The following NEK5 variants were observed in gnomAD, a reference collection of about 807,000 sequenced individuals.
The protein encoded by NEK5 is serine/threonine-protein kinase Nek5.
NEK5 carries 88 observed loss-of-function variants against 109.2 expected under a neutral mutation model. That is an observed-to-expected ratio of 0.81 (90% confidence interval 0.68 to 0.96). NEK5 has a LOEUF of 0.96. Ranked by LOEUF, NEK5 falls within the 40% of genes least tolerant of loss-of-function variation. The probability of loss-of-function intolerance (pLI) is 0.00; values close to 1 mark genes in which losing one functional copy is unlikely to be tolerated. For missense variants in NEK5, 834 were observed against 920.7 expected, an observed-to-expected ratio of 0.91 and a Z score of 1.22; for synonymous variants, 283 against 299.9, an observed-to-expected ratio of 0.94 and a Z score of 0.58.
intron 4 of NEK5, among the ~76,000 whole-genome samples, chr13:52,112,573 A>G (rs149119244): frequency 6.6e-6 from 1 of 152,214 alleles, no homozygotes; most frequent in Non-Finnish European, 1.5e-5. Flanking sequence ...TCTTCTTTGG[A>G]TTGTTGGAAA....
At chr13:52,104,256 C>A (rs557183894) in intron 9 of NEK5, among the ~76,000 whole-genome samples, 1 of 152,308 alleles carries the variant, frequency 6.6e-6, no homozygotes, top group African/African-American at 2.4e-5. Flanking sequence ...AGCCACCACG[C>A]CAAGCCCACA....
At chr13:52,044,246 T>A (rs1009742406) in intron 23 of NEK5, among the ~76,000 whole-genome samples, 13 of 152,208 alleles carry the variant, frequency 8.5e-5, no homozygotes, top group African/African-American at 2.7e-4. Context: ...TGTGGGACCC[T>A]GTGATTGTGT....
intron 22 of NEK5, among the ~76,000 whole-genome samples, chr13:52,058,393 A>T (rs1954581463): frequency 3.4e-5 from 5 of 146,310 alleles, no homozygotes; most frequent in South Asian, 2.2e-4. Flanking sequence ...TAATTTACAG[A>T]TTCAATGCCA....
intron 23 of NEK5, among the ~76,000 whole-genome samples, chr13:52,039,212 CTG>C (rs1176454188): frequency 6.6e-6 from 1 of 152,140 alleles, no homozygotes; most frequent in East Asian, 1.9e-4. Context: ...CGTACTATCT[CTG>C]TGAAGGAGGA....
chr13:52,063,497 C>T (rs9526829), intron 21 of NEK5, among the ~76,000 whole-genome samples: 5,468 of 151,980 alleles, frequency 0.036, 107 homozygotes, highest in South Asian at 0.089. Context: ...GCCGCCACCC[C>T]GTCTGGGAAG....
At chr13:52,117,094 G>C (rs970865072) in intron 4 of NEK5, among the ~76,000 whole-genome samples, 15 of 152,060 alleles carry the variant, frequency 9.9e-5, no homozygotes, top group Admixed American at 9.2e-4. Context: ...AAACGTTTTT[G>C]TATTTTTAGT....
At chr13:52,095,047 A>C (rs1355973878) in intron 12 of NEK5, among the ~76,000 whole-genome samples, 1 of 152,082 alleles carries the variant, frequency 6.6e-6, no homozygotes, top group Non-Finnish European at 1.5e-5. Flanking sequence ...CTCCCAAGTA[A>C]CTGGGACTAC....
intron 9 of NEK5, among the ~76,000 whole-genome samples, chr13:52,104,174 G>A (rs1955602279): frequency 6.6e-6 from 1 of 151,824 alleles, no homozygotes; most frequent in Non-Finnish European, 1.5e-5. Context: ...TGTTGGCCAG[G>A]TTGGTCTCCA....
At position 52,127,580 on chromosome 13, in the gene NEK5, T is replaced by C. The variant is rs757019537; in HGVS notation, c.-23+15A>G. On this transcript the variant is annotated intron_variant, in intron 2 of 23. Coordinates refer to ENST00000684899, the MANE Select transcript of NEK5 (RefSeq NM_001365552.1). ...AAAGTCAGAAAACTGATGACTAAAG[T>C]GTAAAAGAACTCACTTAGCTAAAAC... 8.2e-6 allele frequency: 6 copies of C among 729,856 alleles called. No homozygotes were observed. The highest frequency in any genetic ancestry group is 1.4e-5 in the Non-Finnish European group (6 of 413,804). The allele number at this position is 729,856 out of a possible 1,614,324, so 45.2% of individuals were successfully genotyped here.
intron 21 of NEK5, among the ~76,000 whole-genome samples, chr13:52,063,342 C>T (rs528931737): frequency 1.1e-3 from 163 of 152,336 alleles, no homozygotes; most frequent in African/African-American, 3.7e-3. Context: ...CCCGAGGTGC[C>T]GGGTTTGCAG....
chr13:52,055,199 G>C (rs1954543455), intron 22 of NEK5, among the ~76,000 whole-genome samples: 1 of 152,220 alleles, frequency 6.6e-6, no homozygotes, highest in Non-Finnish European at 1.5e-5. Context: ...AAGGGTATCA[G>C]TGATGGAAGA....
Position 52,112,293 on chromosome 13 carries a change from C to T in NEK5, c.287G>A (p.Arg96Gln), listed in dbSNP as rs377168646. The T allele has an allele frequency of 4.0e-5, 65 of 1,609,100 alleles. No individual in the cohort carries two copies. The highest frequency in any genetic ancestry group is 5.1e-5 in the Non-Finnish European group (60 of 1,175,826). ...GDLMKRINRQ[R>Q]GVLFSEDQIL... ...CTGATCTTCACTAAATAACACACCC[C>T]GTTGTCTATTGATCCTTTTCATGAG... The change falls in exon 5 of 24, where the codon CGG (arginine) becomes CAG (glutamine). Residue 96 changes from arginine to glutamine, a missense_variant. Arg to Gln is a conservative substitution (Grantham distance 43, BLOSUM62 1). Coordinates refer to ENST00000684899, the MANE Select transcript of NEK5 (RefSeq NM_001365552.1).
chr13:52,092,385 T>C (rs1955304319), intron 13 of NEK5, among the ~76,000 whole-genome samples: 6 of 151,698 alleles, frequency 4.0e-5, no homozygotes, highest in Admixed American at 2.0e-4. Context: ...GTGTAACATA[T>C]ATGACATTCT....
chr13:52,084,670 T>C (rs980483570), intron 16 of NEK5, among the ~76,000 whole-genome samples: 3 of 149,118 alleles, frequency 2.0e-5, no homozygotes, highest in Non-Finnish European at 4.4e-5. Flanking sequence ...CCCAAGTAGC[T>C]AGGACTACAG....
intron 1 of NEK5, among the ~76,000 whole-genome samples, chr13:52,127,892 A>G (rs1956098999): frequency 2.0e-5 from 3 of 152,160 alleles, no homozygotes; most frequent in South Asian, 4.1e-4. Flanking sequence ...GTGCACTTTT[A>G]TAGTTCAGCC....
At chr13:52,094,727 T>C (rs1179109255) in intron 12 of NEK5, among the ~76,000 whole-genome samples, 1 of 152,122 alleles carries the variant, frequency 6.6e-6, no homozygotes, top group East Asian at 1.9e-4. Context: ...TGAGCCAAGA[T>C]CGTACCACTG....
At chr13:52,085,172 G>C (rs1248720987) in intron 16 of NEK5, among the ~76,000 whole-genome samples, 1 of 152,102 alleles carries the variant, frequency 6.6e-6, no homozygotes, top group Admixed American at 6.6e-5. Context: ...TTTAATGGTA[G>C]TGAGTAAGTC....
intron 3 of NEK5, among the ~76,000 whole-genome samples, chr13:52,127,096 G>T (rs1956077693): frequency 6.6e-6 from 1 of 152,046 alleles, no homozygotes; most frequent in African/African-American, 2.4e-5. Context: ...TGTTGCCCAG[G>T]CTATCTCGAA....
intron 20 of NEK5, among the ~76,000 whole-genome samples, chr13:52,068,466 TACACACACAC>T (rs5803591): frequency 6.8e-6 from 1 of 148,140 alleles, no homozygotes; most frequent in Non-Finnish European, 1.5e-5. Context: ...AATACACAAA[TACACACACAC>T]ACACACACAC....
Sources: gnomAD v4.1 joint callset for allele counts (sites outside exome capture counted in the v4.1 genomes callset) on GRCh38, gnomAD v4.1.1 for gene constraint, MANE v1.5 for transcripts, NCBI Gene and HGNC (gene_info 2026-07-23, HGNC 2026-07-21) for gene names.